The following TRAF3 variants were observed in gnomAD, a reference collection of about 807,000 sequenced individuals.
The protein encoded by TRAF3 is TNF receptor associated factor 3.
TRAF3 carries 13 observed loss-of-function variants against 62.3 expected under a neutral mutation model. That is an observed-to-expected ratio of 0.21 (90% CI 0.14 to 0.33). TRAF3 has a LOEUF of 0.33. Ranked by LOEUF, TRAF3 falls within the 10% of genes least tolerant of loss-of-function variation. TRAF3 has a pLI of 1.00. For missense variants in TRAF3, 440 were observed against 741.8 expected (o/e 0.59, Z 4.73); for synonymous variants, 269 against 283.4 (o/e 0.95, Z 0.51).
chr14:102,875,181 A>G (rs1302197532), intron 4 of TRAF3, among the ~76,000 whole-genome samples: 6 of 152,126 alleles, frequency 3.9e-5, no homozygotes, highest in Middle Eastern at 3.2e-3. Flanking sequence ...GATCTATACA[A>G]TGTATTCAGT....
At chr14:102,780,095 G>T (rs999589261) in intron 1 of TRAF3, among the ~76,000 whole-genome samples, 7 of 152,144 alleles carry the variant, frequency 4.6e-5, no homozygotes, top group African/African-American at 1.2e-4. Flanking sequence ...GAGAAAGAAG[G>T]AGGTGAGGCC....
At chr14:102,845,124 C>T (rs1736509607) in intron 2 of TRAF3, among the ~76,000 whole-genome samples, 1 of 152,022 alleles carries the variant, frequency 6.6e-6, no homozygotes, top group African/African-American at 2.4e-5. Flanking sequence ...ACTTAATCTC[C>T]TGACCTCGTG....
chr14:102,823,748 C>G (rs141798968), intron 1 of TRAF3, among the ~76,000 whole-genome samples: 8 of 152,134 alleles, frequency 5.3e-5, no homozygotes, highest in Non-Finnish European at 1.0e-4. Context: ...TTATTGAAAT[C>G]GTCACATTCC....
chr14:102,805,654 A>G (rs1440464090), intron 1 of TRAF3, among the ~76,000 whole-genome samples: 1 of 152,190 alleles, frequency 6.6e-6, no homozygotes. Context: ...AGTTTTACAT[A>G]GGGAAAGAAT....
intron 2 of TRAF3, among the ~76,000 whole-genome samples, chr14:102,866,125 G>A (rs761163828): frequency 6.6e-6 from 1 of 152,206 alleles, no homozygotes; most frequent in Non-Finnish European, 1.5e-5. Flanking sequence ...CATGACCTTT[G>A]CAGGGACATG....
At chr14:102,877,199 G>A (rs1402818416) in intron 6 of TRAF3, among the ~76,000 whole-genome samples, 5 of 144,404 alleles carry the variant, frequency 3.5e-5, no homozygotes, top group East Asian at 2.1e-4. Context: ...CAGGCCTTCC[G>A]CTCAGCTCAT....
chr14:102,903,097 T>G lies in TRAF3; in HGVS notation c.961-158T>G, dbSNP rs766388532. On this transcript the variant is annotated intron_variant, in intron 10 of 11. Transcript: ENST00000392745. This position sits in a 1 kb window ranked among gnomAD's most constrained non-coding sequence, Gnocchi z 6.4. ...CCCAGGGAGCTCCCAGGAGGCCTGA[T>G]GCAGAGCCCCACTCCTGGAGTCAGA... 1.3e-5 allele frequency: 13 copies of G among 975,462 alleles called. No homozygotes were observed. In the South Asian group the frequency reaches 1.4e-4, roughly 10 times the overall value. The allele number at this position is 975,462 out of a possible 1,614,324, so 60.4% of individuals were successfully genotyped here. A position where few individuals can be genotyped will look rare whatever the true frequency, so the allele number is the denominator to read the frequency against.
chr14:102,783,857 A>G (rs1897364944), intron 1 of TRAF3, among the ~76,000 whole-genome samples: 1 of 152,136 alleles, frequency 6.6e-6, no homozygotes, highest in African/African-American at 2.4e-5. Context: ...CGCTGAATTG[A>G]TGTCCCTATC....
intron 2 of TRAF3, among the ~76,000 whole-genome samples, chr14:102,837,339 A>G (rs1886087926): frequency 1.3e-5 from 2 of 151,920 alleles, no homozygotes; most frequent in African/African-American, 2.4e-5. Flanking sequence ...GGGTCTCACT[A>G]TGTTGCCCAG....
intron 10 of TRAF3, among the ~76,000 whole-genome samples, chr14:102,901,199 C>G (rs1890279387): frequency 6.6e-6 from 1 of 152,130 alleles, no homozygotes; most frequent in Non-Finnish European, 1.5e-5. Flanking sequence ...ACTCCCCGTT[C>G]TGTGCTTGAG....
At chr14:102,789,092 T>C (rs1386047244) in intron 1 of TRAF3, among the ~76,000 whole-genome samples, 1 of 152,176 alleles carries the variant, frequency 6.6e-6, no homozygotes, top group Non-Finnish European at 1.5e-5. Context: ...TTGCCTATTT[T>C]AGATATAGCA....
chr14:102,864,429 TG>T (rs1260103976), intron 2 of TRAF3, among the ~76,000 whole-genome samples: 1 of 152,138 alleles, frequency 6.6e-6, no homozygotes, highest in Non-Finnish European at 1.5e-5. Flanking sequence ...ATTACAGGTG[TG>T]AGCCACCGCG....
chr14:102,780,148 A>T (rs1897214923), intron 1 of TRAF3, among the ~76,000 whole-genome samples: 1 of 152,188 alleles, frequency 6.6e-6, no homozygotes, highest in Admixed American at 6.5e-5. Flanking sequence ...CCGAGGCCTG[A>T]TTGTGGAAAT....
At position 102,900,978 on chromosome 14, in the gene TRAF3, C is replaced by T. The variant is rs576445605; in HGVS notation, c.961-2277C>T. Among the ~76,000 whole-genome samples, 11 of 152,300 alleles carry T rather than the reference C, an allele frequency of 7.2e-5. 1 individual carries two copies. Among genetic ancestry groups the T allele is most frequent in the Middle Eastern group, 3.4e-3 (1 of 294 alleles). On this transcript the variant is annotated intron_variant, in intron 10 of 11. Coordinates refer to ENST00000392745, the MANE Select transcript of TRAF3 (RefSeq NM_145725.3). Reference sequence around the variant, plus strand: ...TTCAAGGATGAAATCACGTTTGCTGCGTTTTAGAGAACACTTGATGTGACT... The same window carrying T: ...TTCAAGGATGAAATCACGTTTGCTGTGTTTTAGAGAACACTTGATGTGACT...
intron 2 of TRAF3, among the ~76,000 whole-genome samples, chr14:102,851,792 A>AT (rs1461385862): frequency 6.6e-6 from 1 of 152,126 alleles, no homozygotes; most frequent in African/African-American, 2.4e-5. Context: ...TTCGTGTAAG[A>AT]GGCTGAGGCA....
At chr14:102,851,071 C>T (rs1416824659) in intron 2 of TRAF3, among the ~76,000 whole-genome samples, 3 of 152,154 alleles carry the variant, frequency 2.0e-5, no homozygotes, top group Non-Finnish European at 2.9e-5. Flanking sequence ...AATCAGGATG[C>T]CAAACATTAA....
At chr14:102,780,234 G>A (rs751600434) in intron 1 of TRAF3, among the ~76,000 whole-genome samples, 5 of 152,126 alleles carry the variant, frequency 3.3e-5, no homozygotes, top group South Asian at 2.1e-4. Flanking sequence ...GAGGTACAGG[G>A]GATAGGTGCC....
intron 1 of TRAF3, among the ~76,000 whole-genome samples, chr14:102,790,059 C>G (rs1377446718): frequency 6.6e-6 from 1 of 152,096 alleles, no homozygotes; most frequent in Non-Finnish European, 1.5e-5. Context: ...AACCCCTGGC[C>G]TCAAGTGATC....
At position 102,885,569 on chromosome 14, in the gene TRAF3, G is replaced by A. The variant is rs1566796813; in HGVS notation, c.571-620G>A. 2.0e-5 allele frequency among the ~76,000 whole-genome samples: 3 copies of A among 152,184 alleles called. No homozygotes were observed. The South Asian group carries it at 6.2e-4, about 31-fold the overall frequency. On this transcript the variant is annotated intron_variant, in intron 6 of 11. Coordinates refer to ENST00000392745, the MANE Select transcript of TRAF3 (RefSeq NM_145725.3). ...TAATAGTCGCCATCATCCAGCCTTAGCAAAGGTGAAGTTTGTGCTATTAGG... is the reference window on the plus strand; with the variant it reads ...TAATAGTCGCCATCATCCAGCCTTAACAAAGGTGAAGTTTGTGCTATTAGG...
Sources: gnomAD v4.1 joint callset for allele counts (sites outside exome capture counted in the v4.1 genomes callset) on GRCh38, gnomAD v4.1.1 for gene constraint, Gnocchi (gnomAD v3.1) non-coding constraint, MANE v1.5 for transcripts, NCBI Gene and HGNC (gene_info 2026-07-23, HGNC 2026-07-21) for gene names.